Variants in UBAP2L observed in about 807,000 individuals in gnomAD.
UBAP2L encodes ubiquitin associated protein 2 like.
In UBAP2L, 12 loss-of-function variants were observed where a neutral mutation model predicts 130.6. That is an observed-to-expected ratio of 0.09 (90% CI 0.06 to 0.15). The LOEUF (loss-of-function observed/expected upper bound fraction) is 0.15. Ranked by LOEUF, UBAP2L falls within the 10% of genes least tolerant of loss-of-function variation. The probability of loss-of-function intolerance (pLI) is 1.00; values close to 1 mark genes in which losing one functional copy is unlikely to be tolerated. For synonymous variants in UBAP2L, 503 were observed against 524.7 expected (o/e 0.96, Z 0.57); for missense variants, 965 against 1,332.5 (o/e 0.72, Z 4.29).
upstream of UBAP2L, chr1:154,220,571 CAGGAGAGCTGGGAA>C: frequency 1.5e-6 from 1 of 684,024 alleles, no homozygotes; most frequent in Non-Finnish European, 2.5e-6. Context: ...GGCGGACAGG[CAGGAGAGCTGGGAA>C]AGGAGAACGA....
intron 24 of UBAP2L, chr1:154,262,997 A>T (rs193080953): frequency 9.2e-7 from 1 of 1,091,702 alleles, no homozygotes; most frequent in East Asian, 2.9e-5. Context: ...CTCCCTTCAG[A>T]ATTCAGAAAC....
At chr1:154,256,021 A>G (rs147413211) in intron 18 of UBAP2L, among the ~76,000 whole-genome samples, 141 of 152,302 alleles carry the variant, frequency 9.3e-4, no homozygotes, top group South Asian at 5.0e-3. Context: ...TGGGCTTTGT[A>G]TGCTTTAATA....
intron 14 of UBAP2L, among the ~76,000 whole-genome samples, chr1:154,252,284 T>C (rs1465404820): frequency 7.1e-6 from 1 of 141,162 alleles, no homozygotes; most frequent in Non-Finnish European, 1.5e-5. Flanking sequence ...CCAGATTTTT[T>C]TTTTTTTTTT....
Position 154,250,725 on chromosome 1 carries a change from G to A in UBAP2L, c.1214-316G>A, listed in dbSNP as rs192759767. Reference sequence around the variant, plus strand: ...AAAAATTAGCCAGGCATGGTGGCGCGCGCCTGTAGTCCCAGCTACTCTGAG... The same window carrying A: ...AAAAATTAGCCAGGCATGGTGGCGCACGCCTGTAGTCCCAGCTACTCTGAG... On this transcript the variant is annotated intron_variant, in intron 12 of 26. Coordinates refer to ENST00000428931, the MANE Select transcript of UBAP2L (RefSeq NM_014847.4). Among the ~76,000 whole-genome samples, 557 of 151,898 alleles carry A rather than the reference G, an allele frequency of 3.7e-3. 4 individuals carry two copies. Among genetic ancestry groups the A allele is most frequent in the Non-Finnish European group, 5.5e-3 (377 of 67,948 alleles).
At chr1:154,260,129 T>C (rs1268340450) in intron 22 of UBAP2L, 100 bp downstream of exon 22, 3 of 1,309,526 alleles carry the variant, frequency 2.3e-6, no homozygotes, top group African/African-American at 1.5e-5. Context: ...TAAATCAGGA[T>C]TGGTAGATTC....
chr1:154,234,631 G>T lies in UBAP2L; in HGVS notation c.320G>T (p.Gly107Val), dbSNP rs1671029638. 2.5e-6 allele frequency: 4 copies of T among 1,613,962 alleles called. No individual in the cohort carries two copies. The highest frequency in any genetic ancestry group is 2.5e-6 in the Non-Finnish European group (3 of 1,180,016). ...EMVGKKKGVS[G>V]QKDGGQTESN... The stretch of plus-strand genomic sequence containing the variant: ...GTCGGGAAGAAGAAGGGAGTCTCAG[G>T]CCAGAAGGATGGTGGCCAGACGGAA... Residue 107 changes from glycine to valine, a missense_variant, in exon 5 of 27, where the codon GGC (glycine) becomes GTC (valine). This residue lies in a region of UBAP2L where 109 missense variants were observed against 146.6 expected (regional missense o/e 0.74). Transcript: ENST00000428931.
At chr1:154,246,803 C>T (rs1438289358) in intron 11 of UBAP2L, among the ~76,000 whole-genome samples, 1 of 152,130 alleles carries the variant, frequency 6.6e-6, no homozygotes, top group Admixed American at 6.6e-5. Context: ...TAGACAAGGC[C>T]TCCAGAAACC....
chr1:154,238,803 C>T (rs1166592221), intron 8 of UBAP2L, among the ~76,000 whole-genome samples: 3 of 151,706 alleles, frequency 2.0e-5, no homozygotes, highest in Admixed American at 6.6e-5. Flanking sequence ...TGCAGTGGTG[C>T]GATCTTGGCT....
chr1:154,264,636 C>G (rs923805385), intron 24 of UBAP2L, among the ~76,000 whole-genome samples: 1 of 152,198 alleles, frequency 6.6e-6, no homozygotes, highest in Admixed American at 6.5e-5. Flanking sequence ...TAGGGGCACA[C>G]TGGAGCTGAA....
Position 154,251,639 on chromosome 1 carries a change from T to C in UBAP2L, c.1650T>C (p.Tyr550=), listed in dbSNP as rs763875947. The C allele has an allele frequency of 1.2e-6, 2 of 1,614,120 alleles. No individual in the cohort carries two copies. Among genetic ancestry groups the C allele is most frequent in the East Asian group, 2.2e-5 (1 of 44,874 alleles). Reference sequence around the variant, plus strand: ...CAAGCCAGGCTCCAAGTAGCCTGTATACCAGCACGGCCAGGTAGAGGAAAC... The same window carrying C: ...CAAGCCAGGCTCCAAGTAGCCTGTACACCAGCACGGCCAGGTAGAGGAAAC... ...ASSSQAPSSL[Y]TSTASESSST... The change falls in exon 14 of 27, where the codon TAT becomes TAC. Residue 550 remains tyrosine, a synonymous_variant. Coordinates refer to ENST00000428931, the MANE Select transcript of UBAP2L (RefSeq NM_014847.4).
intron 4 of UBAP2L, among the ~76,000 whole-genome samples, chr1:154,232,011 A>G (rs1341171103): frequency 6.6e-6 from 1 of 152,142 alleles, no homozygotes; most frequent in Non-Finnish European, 1.5e-5. Context: ...CACTAGGGCC[A>G]TGATTGAGTT....
chr1:154,225,844 C>T (rs1416119297), intron 2 of UBAP2L, among the ~76,000 whole-genome samples: 1 of 152,240 alleles, frequency 6.6e-6, no homozygotes, highest in African/African-American at 2.4e-5. Context: ...GACGGAGTCT[C>T]GCTCTGTTGC....
chr1:154,262,978 CCTT>C, intron 24 of UBAP2L: 1 of 886,392 alleles, frequency 1.1e-6, no homozygotes, highest in Non-Finnish European at 1.6e-6. Flanking sequence ...AGAAATCCCA[CCTT>C]CTTGCCTCCC....
At chr1:154,250,425 C>G (rs1314276201) in intron 12 of UBAP2L, among the ~76,000 whole-genome samples, 2 of 152,066 alleles carry the variant, frequency 1.3e-5, no homozygotes, top group Admixed American at 6.6e-5. Flanking sequence ...TATGCCATGC[C>G]TTGTTTTTGC....
chr1:154,256,920 A>G (rs1349276099), intron 18 of UBAP2L, 143 bp from the exon 19 acceptor site: 5 of 847,210 alleles, frequency 5.9e-6, no homozygotes, highest in Non-Finnish European at 9.0e-6. Context: ...AGCAGGGTGT[A>G]CTTTGGTACC....
chr1:154,267,618 C>T (rs941394104), intron 25 of UBAP2L, among the ~76,000 whole-genome samples: 2 of 151,022 alleles, frequency 1.3e-5, no homozygotes, highest in Non-Finnish European at 3.0e-5. Context: ...ACCAGGCCTG[C>T]CTAATTTTTG....
At chr1:154,253,108 AT>A (rs1446683950) in intron 14 of UBAP2L, among the ~76,000 whole-genome samples, 2 of 151,960 alleles carry the variant, frequency 1.3e-5, no homozygotes, top group African/African-American at 4.8e-5. Context: ...GGTTCAAGTG[AT>A]TCTCCTGCCT....
Position 154,228,738 on chromosome 1 carries a change from TAG to T in UBAP2L, c.279+16_279+17del. ...AAACCCAGACACGGTAGAGTGCTTATAGAGTGTTCTAGGACATGGGTCCTCAA... is the reference window on the plus strand; with the variant it reads ...AAACCCAGACACGGTAGAGTGCTTATAGTGTTCTAGGACATGGGTCCTCAA... On this transcript the variant is annotated intron_variant, in intron 4 of 26. Transcript: ENST00000428931. 3 of 1,593,920 alleles carry T rather than the reference TAG, an allele frequency of 1.9e-6. No homozygotes were observed. The highest frequency in any genetic ancestry group is 2.6e-6 in the Non-Finnish European group (3 of 1,167,950).
intron 25 of UBAP2L, among the ~76,000 whole-genome samples, chr1:154,267,248 T>A (rs1683537610): frequency 6.9e-6 from 1 of 143,886 alleles, no homozygotes; most frequent in Non-Finnish European, 1.5e-5. Flanking sequence ...CTCTGCCTCC[T>A]GGGTTTAAGC....
Sources: gnomAD v4.1 joint callset for allele counts (sites outside exome capture counted in the v4.1 genomes callset) on GRCh38, gnomAD v4.1.1 for gene constraint, gnomAD v4.1.1 regional missense constraint, MANE v1.5 for transcripts, NCBI Gene and HGNC (gene_info 2026-07-23, HGNC 2026-07-21) for gene names.